The following DCT variants were observed in gnomAD, a reference collection of about 807,000 sequenced individuals.
The protein encoded by DCT is dopachrome tautomerase.
Under a neutral mutation model 53.0 loss-of-function variants are expected in DCT, and 47 were observed. The ratio of observed to expected loss-of-function variants is 0.89; its 90% CI spans 0.70 to 1.13. DCT has a LOEUF of 1.13. Ranked by LOEUF, DCT falls within the 50% of genes most tolerant of loss-of-function variation. DCT has a pLI of 0.00. For missense variants in DCT, 669 were observed against 637.4 expected (o/e 1.05, Z -0.53); for synonymous variants, 244 against 237.0 (o/e 1.03, Z -0.27).
chr13:94,538,864 T>TTTG, the DCT span, among the ~76,000 whole-genome samples: 3 of 152,288 alleles, frequency 2.0e-5, no homozygotes, highest in Non-Finnish European at 4.4e-5. Context: ...ACTCTTAGGA[T>TTTG]TTGTCTGTTT....
chr13:94,466,417 T>G (rs920069170), intron 3 of DCT, 141 bp downstream of exon 3: 7 of 543,568 alleles, frequency 1.3e-5, no homozygotes, highest in Non-Finnish European at 2.3e-5. Flanking sequence ...ATGCTGAGTA[T>G]GTTAATTTAC....
chr13:94,487,027 A>G, the DCT span, among the ~76,000 whole-genome samples: 1 of 152,252 alleles, frequency 6.6e-6, no homozygotes, highest in Non-Finnish European at 1.5e-5. Context: ...GTATAAGTGA[A>G]TACAGACCTA....
At chr13:94,521,354 A>G in the DCT span, among the ~76,000 whole-genome samples, 1 of 151,326 alleles carries the variant, frequency 6.6e-6, no homozygotes, top group African/African-American at 2.5e-5. Context: ...AGTTTAAAAA[A>G]GAAAGATACA....
intron 6 of DCT, among the ~76,000 whole-genome samples, chr13:94,457,153 C>A (rs1181486167): frequency 6.6e-6 from 1 of 152,138 alleles, no homozygotes; most frequent in Non-Finnish European, 1.5e-5. Flanking sequence ...AAAAGAAAAA[C>A]AAACTTCTAT....
intron 1 of DCT, among the ~76,000 whole-genome samples, chr13:94,469,983 G>T (rs1018072385): frequency 2.0e-5 from 3 of 152,052 alleles, no homozygotes; most frequent in Non-Finnish European, 2.9e-5. Context: ...GCTGAGGCAG[G>T]AGAATGGCTT....
At chr13:94,471,309 TATATC>T (rs1442450882) in intron 1 of DCT, among the ~76,000 whole-genome samples, 1 of 152,210 alleles carries the variant, frequency 6.6e-6, no homozygotes, top group Admixed American at 6.5e-5. Flanking sequence ...TTTTTTATAA[TATATC>T]ATATATCCCA....
the DCT span, among the ~76,000 whole-genome samples, chr13:94,537,364 G>T: frequency 6.6e-6 from 1 of 152,200 alleles, no homozygotes; most frequent in Non-Finnish European, 1.5e-5. Context: ...GAATGCTGTT[G>T]TTGCTAAGAC....
intron 1 of DCT, 84 bp from the exon 2 acceptor site, chr13:94,469,129 A>T (rs1253737748): frequency 8.4e-7 from 1 of 1,185,920 alleles, no homozygotes; most frequent in Non-Finnish European, 1.2e-6. Context: ...TGAAATTTGA[A>T]TGGAAGAGAA....
the DCT span, among the ~76,000 whole-genome samples, chr13:94,485,921 C>T: frequency 0.33 from 50,811 of 152,012 alleles, 9,091 homozygotes; most frequent in Non-Finnish European, 0.4. Context: ...TTAGTTCCTA[C>T]GCGTTGCTCG....
At chr13:94,502,211 G>T in the DCT span, among the ~76,000 whole-genome samples, 1 of 87,070 alleles carries the variant, frequency 1.1e-5, no homozygotes, top group Admixed American at 1.1e-4. Flanking sequence ...CTCTGCTGAG[G>T]GTGCCTTCAC....
intron 1 of DCT, among the ~76,000 whole-genome samples, chr13:94,477,516 T>C (rs943476599): frequency 6.6e-6 from 1 of 152,038 alleles, no homozygotes; most frequent in Non-Finnish European, 1.5e-5. Context: ...GGGTCAAAGG[T>C]TGAAAAACTA....
chr13:94,525,787 G>C, the DCT span, among the ~76,000 whole-genome samples: 2 of 152,270 alleles, frequency 1.3e-5, no homozygotes, highest in East Asian at 3.9e-4. Flanking sequence ...TAGTCCAGTA[G>C]TTTGATACCA....
chr13:94,465,588 GA>G (rs779407277), intron 4 of DCT, 44 bp downstream of exon 4: 1 of 1,588,388 alleles, frequency 6.3e-7, no homozygotes, highest in Non-Finnish European at 8.6e-7. Context: ...TCAGACATCA[GA>G]AAAGACAATC....
the DCT span, among the ~76,000 whole-genome samples, chr13:94,526,921 T>C: frequency 6.6e-6 from 1 of 151,888 alleles, no homozygotes; most frequent in East Asian, 2.0e-4. Flanking sequence ...CCTGACCAAA[T>C]ACTGCACTTT....
chr13:94,525,662 C>T, the DCT span, among the ~76,000 whole-genome samples: 1 of 152,146 alleles, frequency 6.6e-6, no homozygotes, highest in African/African-American at 2.4e-5. Flanking sequence ...GGCCTCTGCA[C>T]AGCTAAGATT....
rs1186745066 is a variant in DCT, at chr13:94,479,153, G to C, written c.103C>G (p.Leu35Val). 1 of 1,614,128 alleles carries C rather than the reference G, an allele frequency of 6.2e-7. No homozygotes were observed. The highest frequency in any genetic ancestry group is 8.5e-7 in the Non-Finnish European group (1 of 1,179,972). ...CGTGGGCAGCACTCCTTGTTCACTA[G>C]GCTGTCCACCGTCATGCAGACTCGG... ...FPRVCMTVDS[L>V]VNKECCPRLG... Residue 35 changes from leucine to valine, a missense_variant, in exon 1 of 8, where the codon CTA (leucine) becomes GTA (valine). By Grantham distance (32) the Leu-to-Val change is conservative. Transcript: ENST00000377028.
the DCT span, among the ~76,000 whole-genome samples, chr13:94,538,621 C>T: frequency 9.9e-5 from 15 of 152,268 alleles, no homozygotes; most frequent in East Asian, 2.7e-3. Flanking sequence ...AACCATAGAC[C>T]GTTGTGTTGA....
At chr13:94,515,397 C>T in the DCT span, among the ~76,000 whole-genome samples, 1 of 152,174 alleles carries the variant, frequency 6.6e-6, no homozygotes. Context: ...AACTGCAACA[C>T]AGACGTACAA....
the DCT span, among the ~76,000 whole-genome samples, chr13:94,501,159 C>G: frequency 6.6e-6 from 1 of 152,126 alleles, no homozygotes; most frequent in Non-Finnish European, 1.5e-5. Flanking sequence ...GTCCCAGCTA[C>G]TCAGGAGGCT....
Sources: gnomAD v4.1 joint callset for allele counts (sites outside exome capture counted in the v4.1 genomes callset) on GRCh38, gnomAD v4.1.1 for gene constraint, MANE v1.5 for transcripts, NCBI Gene and HGNC (gene_info 2026-07-23, HGNC 2026-07-21) for gene names.